The following KIF16B variants were observed in gnomAD, a reference collection of about 807,000 sequenced individuals.
KIF16B encodes the protein kinesin-like protein KIF16B.
KIF16B carries 98 observed loss-of-function variants against 156.3 expected under a neutral mutation model. The ratio of observed to expected loss-of-function variants is 0.63; its 90% CI spans 0.53 to 0.74. KIF16B has a LOEUF of 0.74. Ranked by LOEUF, KIF16B falls within the 30% of genes least tolerant of loss-of-function variation. The pLI is 0.00. For synonymous variants in KIF16B, 564 were observed against 583.7 expected, an observed-to-expected ratio of 0.97 and a Z score of 0.49; for missense variants, 1,421 against 1,606.5, an observed-to-expected ratio of 0.88 and a Z score of 1.97.
intron 1 of KIF16B, among the ~76,000 whole-genome samples, chr20:16,536,020 A>G (rs1011079339): frequency 6.6e-6 from 1 of 152,238 alleles, no homozygotes; most frequent in Non-Finnish European, 1.5e-5. Flanking sequence ...TCAATATATC[A>G]AAGGGAAACC....
At chr20:16,484,083 G>T in intron 12 of KIF16B, among the ~76,000 whole-genome samples, 1 of 152,038 alleles carries the variant, frequency 6.6e-6, no homozygotes. Flanking sequence ...ATGCCTCGCC[G>T]CAAAAGATCA....
chr20:16,401,232 T>A (rs989971947), intron 17 of KIF16B, among the ~76,000 whole-genome samples: 2 of 152,166 alleles, frequency 1.3e-5, no homozygotes, highest in African/African-American at 4.8e-5. Flanking sequence ...CCACTGTAAT[T>A]CAGTCTAAAA....
At chr20:16,557,341 G>A (rs778087742) in intron 1 of KIF16B, among the ~76,000 whole-genome samples, 16 of 151,792 alleles carry the variant, frequency 1.1e-4, no homozygotes, top group East Asian at 1.9e-4. Flanking sequence ...TACTACGCCC[G>A]GCTAATTTTT....
At chr20:16,534,845 T>C (rs1224326735) in intron 1 of KIF16B, among the ~76,000 whole-genome samples, 1 of 152,176 alleles carries the variant, frequency 6.6e-6, no homozygotes, top group African/African-American at 2.4e-5. Flanking sequence ...TTCTGCTCCA[T>C]TGGTCCATGT....
intron 17 of KIF16B, among the ~76,000 whole-genome samples, chr20:16,402,386 G>A (rs550284953): frequency 2.0e-5 from 3 of 152,282 alleles, no homozygotes; most frequent in African/African-American, 4.8e-5. Flanking sequence ...TGGCAATGGT[G>A]CCCCCGTCCT....
chr20:16,282,787 T>C (rs1029963704), intron 25 of KIF16B, among the ~76,000 whole-genome samples: 1 of 152,006 alleles, frequency 6.6e-6, no homozygotes, highest in Non-Finnish European at 1.5e-5. Context: ...CCCTACACAG[T>C]TGGGTGGTGG....
rs985839729 is a variant in KIF16B at position 16,453,566 on chromosome 20, G to C, written c.1303-23584C>G. Among the ~76,000 whole-genome samples the C allele has an allele frequency of 3.9e-5, 6 of 151,974 alleles. No individual in the cohort carries two copies. In the East Asian group the frequency reaches 9.7e-4, roughly 24 times the overall value. On this transcript the variant is annotated intron_variant, in intron 12 of 25. Coordinates refer to ENST00000354981, the MANE Select transcript of KIF16B (RefSeq NM_024704.5). ...AAAAATATTTACAATATATATTACT[G>C]ACAAAAGATCACTACATGAAGAGCC...
At chr20:16,335,370 G>T (rs957547559) in intron 24 of KIF16B, among the ~76,000 whole-genome samples, 11 of 152,188 alleles carry the variant, frequency 7.2e-5, no homozygotes, top group South Asian at 6.2e-4. Flanking sequence ...GACGACTAAT[G>T]TATTAATACC....
chr20:16,554,022 G>C (rs990638682), intron 1 of KIF16B, among the ~76,000 whole-genome samples: 1 of 152,200 alleles, frequency 6.6e-6, no homozygotes, highest in Non-Finnish European at 1.5e-5. Flanking sequence ...GCAGCTCAGC[G>C]CCGGCCTGCA....
chr20:16,500,807 T>C (rs902177279), intron 10 of KIF16B, among the ~76,000 whole-genome samples: 2 of 152,186 alleles, frequency 1.3e-5, no homozygotes, highest in Non-Finnish European at 2.9e-5. Context: ...CATGATACTT[T>C]TATTATTTAA....
At chr20:16,538,611 G>T (rs1434967044) in intron 1 of KIF16B, among the ~76,000 whole-genome samples, 1 of 151,970 alleles carries the variant, frequency 6.6e-6, no homozygotes, top group East Asian at 1.9e-4. Flanking sequence ...GAGGACGAAA[G>T]GAAAGGAAAA....
intron 24 of KIF16B, among the ~76,000 whole-genome samples, chr20:16,315,727 T>G (rs1299993852): frequency 6.6e-6 from 1 of 152,106 alleles, no homozygotes; most frequent in South Asian, 2.1e-4. Flanking sequence ...ACAAAGTTAG[T>G]TAGCAACTAT....
intron 3 of KIF16B, among the ~76,000 whole-genome samples, chr20:16,521,147 C>G (rs1263667015): frequency 3.9e-5 from 6 of 152,098 alleles, no homozygotes; most frequent in African/African-American, 1.4e-4. Flanking sequence ...AGCAAGGGAA[C>G]AAAACTGGAC....
In KIF16B at chr20:16,378,995, C is replaced by A; in HGVS notation, c.3007G>T (p.Glu1003Ter). 1 of 1,613,932 alleles carries A rather than the reference C, an allele frequency of 6.2e-7. No homozygotes were observed. Among genetic ancestry groups the A allele is most frequent in the Non-Finnish European group, 8.5e-7 (1 of 1,179,918 alleles). ...ILESREKQQR[E>*]ALERALARLE... ...CTGGCCAGGGCCCGCTCCAGCGCCT[C>A]TCTCTGCTGCTTCTCTCTGGACTCC... is the stretch of plus-strand genomic sequence containing the variant. Residue 1003 changes from glutamate to a stop codon, truncating the protein, a stop_gained, in exon 19 of 26, where the codon GAG becomes TAG. Coordinates refer to ENST00000354981, the MANE Select transcript of KIF16B (RefSeq NM_024704.5). LOFTEE classifies it high-confidence loss of function.
intron 24 of KIF16B, among the ~76,000 whole-genome samples, chr20:16,316,973 C>A (rs948471070): frequency 6.6e-6 from 1 of 152,146 alleles, no homozygotes; most frequent in Non-Finnish European, 1.5e-5. Context: ...ACACTTCCAA[C>A]AAATTAAGAA....
intron 12 of KIF16B, among the ~76,000 whole-genome samples, chr20:16,484,548 A>C (rs2146862211): frequency 6.6e-6 from 1 of 152,354 alleles, no homozygotes; most frequent in East Asian, 1.9e-4. Context: ...CAAATTAACA[A>C]CTGCATACTA....
In KIF16B at chr20:16,411,229, T is replaced by A. The variant is rs188134461; in HGVS notation, c.1613-4773A>T. On this transcript the variant is annotated intron_variant, in intron 15 of 25. Coordinates refer to ENST00000354981, the MANE Select transcript of KIF16B (RefSeq NM_024704.5). The stretch of plus-strand genomic sequence containing the variant: ...CAGCTTCCCATTAAGTGGCAAGTAT[T>A]CACTGTGACACTGATGGGATCCACT... Among the ~76,000 whole-genome samples the A allele has an allele frequency of 8.5e-5, 13 of 152,250 alleles. No homozygotes were observed. In the East Asian group the frequency reaches 2.5e-3, roughly 29 times the overall value.
chr20:16,431,894 C>T (rs1261287428), intron 12 of KIF16B, among the ~76,000 whole-genome samples: 1 of 118,464 alleles, frequency 8.4e-6, no homozygotes, highest in African/African-American at 3.4e-5. Flanking sequence ...TATATACTAT[C>T]CATTTATATG....
At chr20:16,511,116 A>C (rs1009689082) in intron 6 of KIF16B, among the ~76,000 whole-genome samples, 6 of 152,232 alleles carry the variant, frequency 3.9e-5, no homozygotes, top group African/African-American at 1.2e-4. Context: ...ATGCAATGCC[A>C]TTTAGAGAGA....
Sources: allele counts gnomAD v4.1 joint callset (sites outside exome capture counted in the v4.1 genomes callset), GRCh38; gene constraint gnomAD v4.1.1; transcripts MANE v1.5; gene names NCBI Gene and HGNC (gene_info 2026-07-23, HGNC 2026-07-21).